The following AKT2 variants were observed in gnomAD, a reference collection of about 807,000 sequenced individuals.
The protein encoded by AKT2 is AKT serine/threonine kinase 2, also known as RAC-beta serine/threonine-protein kinase.
A neutral mutation model predicts 58.6 loss-of-function variants in AKT2; 16 were observed. That is an observed-to-expected ratio of 0.27 (90% CI 0.18 to 0.41). The LOEUF is 0.41. Among genes scored for constraint, AKT2 ranks in the 10% least tolerant of loss-of-function variants. The probability of loss-of-function intolerance (pLI) is 1.00; values close to 1 mark genes in which losing one functional copy is unlikely to be tolerated. For synonymous variants in AKT2, 253 were observed against 254.0 expected, an observed-to-expected ratio of 1.00 and a Z score of 0.04; for missense variants, 438 against 661.0, an observed-to-expected ratio of 0.66 and a Z score of 3.70.
At position 40,237,935 on chromosome 19, in the gene AKT2, C is replaced by T; in HGVS notation, c.831+34G>A. 6.2e-7 allele frequency: 1 copy of T among 1,610,914 alleles called. No individual in the cohort carries two copies. Among genetic ancestry groups the T allele is most frequent in the Non-Finnish European group, 8.5e-7 (1 of 1,179,156 alleles). On this transcript the variant is annotated intron_variant, in intron 9 of 13. Transcript: ENST00000392038. This position sits in a 1 kb window ranked among gnomAD's most constrained non-coding sequence, Gnocchi z 4.5. ...TGTGAGTCCCATGTGGTGTGCATGC[C>T]ACAGGTCAGCCTGGCGCACACCCTG...
At position 40,242,621 on chromosome 19, in the gene AKT2, G is replaced by A. The variant is rs1450582029; in HGVS notation, c.354C>T (p.Asp118=). 1 of 1,613,730 alleles carries A rather than the reference G, an allele frequency of 6.2e-7. No individual in the cohort carries two copies. ...NSLKQRAPGE[D]PMDYKCGSPS... is the part of the protein sequence containing the mutation. ...GGGAGCCACACTTGTAGTCCATGGG[G>A]TCCTCGCCTGGGGCCCGCTGCTTGA... Residue 118 remains aspartate (D), a synonymous_variant, in exon 5 of 14, where the codon GAC becomes GAT. Transcript: ENST00000392038. This position sits in a 1 kb window ranked among gnomAD's most constrained non-coding sequence, Gnocchi z 4.3.
At position 40,235,001 on chromosome 19, in the gene AKT2, A is replaced by ACC. The variant is rs767632289; in HGVS notation, c.1366+42_1366+43dup. The ACC allele has an allele frequency of 6.5e-7, 1 of 1,535,250 alleles. No individual in the cohort carries two copies. The highest frequency in any genetic ancestry group is 9.0e-7 in the Non-Finnish European group (1 of 1,108,618). Reference sequence around the variant, plus strand: ...AGTTAAGAGCAGATCCCATCCCTCCACCCCTGGGGCAGGCACACCAGCGCG... The same window carrying ACC: ...AGTTAAGAGCAGATCCCATCCCTCCACCCCCCTGGGGCAGGCACACCAGCGCG... On this transcript the variant is annotated intron_variant, in intron 13 of 13. Transcript: ENST00000392038. The surrounding 1 kb of genome is among the most constrained non-coding windows in gnomAD (Gnocchi z 6.3).
chr19:40,235,617 T>A lies in AKT2; in HGVS notation c.1176-267A>T. On this transcript the variant is annotated intron_variant, in intron 11 of 13. Transcript: ENST00000392038. The surrounding 1 kb of genome is among the most constrained non-coding windows in gnomAD (Gnocchi z 6.3). ...GTTAGTAGGGCAGGCTCCGTTCCTA[T>A]CCTGGCTCTGCCACATATGGTTTGG... 1 of 614,618 alleles carries A rather than the reference T, an allele frequency of 1.6e-6. No individual in the cohort carries two copies. The highest frequency in any genetic ancestry group is 2.9e-6 in the Non-Finnish European group (1 of 348,038). The allele number at this position is 614,618 out of a possible 1,614,324, so 38.1% of individuals were successfully genotyped here.
intron 3 of AKT2, 51 bp from the exon 4 acceptor site, chr19:40,255,320 G>T: frequency 6.6e-7 from 1 of 1,507,032 alleles, no homozygotes; most frequent in Non-Finnish European, 9.2e-7. Flanking sequence ...AGCCCTGCTA[G>T]CCTGCAGCCC....
intron 1 of AKT2, among the ~76,000 whole-genome samples, chr19:40,280,130 C>G (rs1321173292): frequency 1.3e-5 from 2 of 152,240 alleles, no homozygotes; most frequent in Non-Finnish European, 2.9e-5. Flanking sequence ...CTTTCCAATT[C>G]CAGAGGAGCA....
At chr19:40,252,897 G>A (rs1975267145) in intron 4 of AKT2, among the ~76,000 whole-genome samples, 1 of 152,182 alleles carries the variant, frequency 6.6e-6, no homozygotes, top group Non-Finnish European at 1.5e-5. Context: ...TTGGTCCATA[G>A]TTTTCAACTG....
At position 40,235,533 on chromosome 19, in the gene AKT2, T is replaced by C; in HGVS notation, c.1176-183A>G. 1.5e-6 allele frequency: 1 copy of C among 684,728 alleles called. No individual in the cohort carries two copies. Among genetic ancestry groups the C allele is most frequent in the Non-Finnish European group, 2.6e-6 (1 of 385,932 alleles). The allele number at this position is 684,728 out of a possible 1,614,324, so 42.4% of individuals were successfully genotyped here. On this transcript the variant is annotated intron_variant, in intron 11 of 13. Coordinates refer to ENST00000392038, the MANE Select transcript of AKT2 (RefSeq NM_001626.6). The surrounding 1 kb of genome is among the most constrained non-coding windows in gnomAD (Gnocchi z 6.3). Reference sequence around the variant, plus strand: ...CGTGCCCAGGGTCAGAGCCAGGGAGTCAGCAACCCGGACCCACGTGTCCTC... The same window carrying C: ...CGTGCCCAGGGTCAGAGCCAGGGAGCCAGCAACCCGGACCCACGTGTCCTC...
chr19:40,274,731 G>T, intron 1 of AKT2: 4 of 304,340 alleles, frequency 1.3e-5, no homozygotes, highest in South Asian at 1.2e-4. Context: ...GGAGGAGCAG[G>T]GCTGAGGCGC....
Position 40,285,268 on chromosome 19 carries a change from CG to C in AKT2, c.-173del, listed in dbSNP as rs2077494625. 2.5e-5 allele frequency: 10 copies of C among 395,128 alleles called. No homozygotes were observed. The highest frequency in any genetic ancestry group is 4.0e-5 in the Non-Finnish European group (9 of 224,000). The allele number at this position is 395,128 out of a possible 1,614,324, so 24.5% of individuals were successfully genotyped here. A position where few individuals can be genotyped will look rare whatever the true frequency, so the allele number is the denominator to read the frequency against. On this transcript the variant is annotated 5_prime_UTR_variant, in exon 1 of 14. Transcript: ENST00000392038. ...GCTGGTTCCCTTTCCTTGTGTTTCC[CG>C]GCAGCGGCAACGGCGCCGGCAGCGG...
In AKT2 at chr19:40,242,112, A is replaced by G. The variant is rs753694906; in HGVS notation, c.442-43T>C. 6.2e-7 allele frequency: 1 copy of G among 1,613,382 alleles called. No individual in the cohort carries two copies. The highest frequency in any genetic ancestry group is 2.2e-5 in the East Asian group (1 of 44,870). On this transcript the variant is annotated intron_variant, in intron 5 of 13. Transcript: ENST00000392038. The surrounding 1 kb of genome is among the most constrained non-coding windows in gnomAD (Gnocchi z 4.3). ...AGTGGGGGCAGTCAGCGCCTGGCTC[A>G]TGGCCCGTGGGAGGAAATTTTAACA...
chr19:40,231,450 C>T lies in AKT2; in HGVS notation c.*2422G>A. The T allele has an allele frequency of 4.3e-6, 1 of 233,292 alleles. No homozygotes were observed. Among genetic ancestry groups the T allele is most frequent in the Non-Finnish European group, 8.5e-6 (1 of 118,040 alleles). 14.5% of individuals were successfully genotyped at this position (233,292 alleles called of 1,614,324 possible). On this transcript the variant is annotated 3_prime_UTR_variant, in exon 14 of 14. Coordinates refer to ENST00000392038, the MANE Select transcript of AKT2 (RefSeq NM_001626.6). The stretch of plus-strand genomic sequence containing the variant: ...GACTTTAGAAAGACAAACTAAAAAA[C>T]CCCAACCAAACGAGTCCTAGCTGTA...
At chr19:40,247,849 C>A (rs1324282713) in intron 4 of AKT2, among the ~76,000 whole-genome samples, 1 of 152,152 alleles carries the variant, frequency 6.6e-6, no homozygotes, top group Non-Finnish European at 1.5e-5. Flanking sequence ...CGACAGAGGC[C>A]AGGGACACAA....
Position 40,235,395 on chromosome 19 carries a change from G to A in AKT2, c.1176-45C>T. ...AGCACCTGCCTCCCGGAGCAGCTGG[G>A]TTCGGGCAGACGGGCTTTCGGAGCA... On this transcript the variant is annotated intron_variant, in intron 11 of 13. Transcript: ENST00000392038. The surrounding 1 kb of genome is among the most constrained non-coding windows in gnomAD (Gnocchi z 6.3). The A allele has an allele frequency of 6.3e-7, 1 of 1,596,174 alleles. No individual in the cohort carries two copies. Among genetic ancestry groups the A allele is most frequent in the East Asian group, 2.2e-5 (1 of 44,796 alleles).
intron 2 of AKT2, among the ~76,000 whole-genome samples, chr19:40,258,701 C>T (rs1183110910): frequency 6.8e-6 from 1 of 146,088 alleles, no homozygotes; most frequent in Non-Finnish European, 1.5e-5. Flanking sequence ...CAAAAAAATA[C>T]TTAACCAAGG....
intron 4 of AKT2, among the ~76,000 whole-genome samples, chr19:40,248,303 T>G (rs1245582181): frequency 6.6e-6 from 1 of 152,186 alleles, no homozygotes; most frequent in Non-Finnish European, 1.5e-5. Flanking sequence ...TCATGAGAGT[T>G]CACCCAGCCG....
chr19:40,277,154 A>T (rs572794564), intron 1 of AKT2, among the ~76,000 whole-genome samples: 5 of 152,208 alleles, frequency 3.3e-5, no homozygotes, highest in Non-Finnish European at 7.3e-5. Context: ...AATTACATAA[A>T]GGACTCTGAC....
intron 1 of AKT2, among the ~76,000 whole-genome samples, chr19:40,271,210 TAC>T (rs139585487): frequency 8.2e-6 from 1 of 121,220 alleles, no homozygotes; most frequent in Non-Finnish European, 1.7e-5. Flanking sequence ...CATACATACA[TAC>T]ATATATATAT....
rs67193772 is a variant in AKT2 at position 40,261,905 on chromosome 19, G to A, written c.46+3317C>T. Among the ~76,000 whole-genome samples, 8 of 55,838 alleles carry A rather than the reference G, an allele frequency of 1.4e-4. No homozygotes were observed. The Admixed American group carries it at 1.6e-3, about 11-fold the overall frequency. 36.6% of individuals were successfully genotyped at this position (55,838 alleles called of 152,430 possible). On this transcript the variant is annotated intron_variant, in intron 2 of 13. Transcript: ENST00000392038. ...CTCACGTTATGTAAATTTCATCCCC[G>A]TTTTTTTTTTTTTAAAGGATAAAAA...
chr19:40,277,695 A>C (rs1040153193), intron 1 of AKT2, among the ~76,000 whole-genome samples: 2 of 151,954 alleles, frequency 1.3e-5, no homozygotes, highest in Non-Finnish European at 2.9e-5. Context: ...TCGGGCTCTC[A>C]CATCACAGGG....
Sources: allele counts gnomAD v4.1 joint callset (sites outside exome capture counted in the v4.1 genomes callset), GRCh38; gene constraint gnomAD v4.1.1; non-coding constraint Gnocchi (gnomAD v3.1); transcripts MANE v1.5; gene names NCBI Gene and HGNC (gene_info 2026-07-23, HGNC 2026-07-21).